TFCP2L1: variants seen among roughly 807,000 people sequenced by gnomAD.
The protein encoded by TFCP2L1 is transcription factor CP2 like 1, also known as transcription factor CP2-like protein 1.
A neutral mutation model predicts 72.2 loss-of-function variants in TFCP2L1; 12 were observed. That is an observed-to-expected ratio of 0.17 (90% CI 0.11 to 0.27). The LOEUF is 0.27. Among genes scored for constraint, TFCP2L1 ranks in the 10% least tolerant of loss-of-function variants. TFCP2L1 has a pLI of 1.00. For synonymous variants in TFCP2L1, 260 were observed against 251.0 expected (o/e 1.04, Z -0.34); for missense variants, 488 against 624.6 (o/e 0.78, Z 2.33).
At chr2:121,275,776 G>A (rs1199523285) in intron 2 of TFCP2L1, among the ~76,000 whole-genome samples, 1 of 152,108 alleles carries the variant, frequency 6.6e-6, no homozygotes, top group Non-Finnish European at 1.5e-5. Flanking sequence ...TCACCCCGTT[G>A]GCCAGGCTGG....
Position 121,219,547 on chromosome 2 carries a change from C to T in TFCP2L1, c.*4794G>A, listed in dbSNP as rs950645041. 2.6e-5 allele frequency: 4 copies of T among 152,262 alleles called. No homozygotes were observed. The highest frequency in any genetic ancestry group is 4.4e-5 in the Non-Finnish European group (3 of 68,058). 9.4% of individuals were successfully genotyped at this position (152,262 alleles called of 1,614,324 possible). On this transcript the variant is annotated 3_prime_UTR_variant, in exon 15 of 15. Coordinates refer to ENST00000263707, the MANE Select transcript of TFCP2L1 (RefSeq NM_014553.3). ...TGACCCATGTCAAGAAGCATGCCGC[C>T]TTGCACTGCAGGAGCACTGGTGGCA... is the stretch of plus-strand genomic sequence containing the variant.
chr2:121,263,469 C>CAA (rs10603088), intron 2 of TFCP2L1, among the ~76,000 whole-genome samples: 211 of 67,288 alleles, frequency 3.1e-3, no homozygotes, highest in African/African-American at 5.7e-3. Flanking sequence ...CTGTTTTTGG[C>CAA]AAAAAAAAAA....
At chr2:121,250,832 C>G (rs1686595717) in intron 2 of TFCP2L1, among the ~76,000 whole-genome samples, 1 of 151,836 alleles carries the variant, frequency 6.6e-6, no homozygotes, top group Non-Finnish European at 1.5e-5. Flanking sequence ...GTCTCAAACT[C>G]CTGACCTCGT....
At chr2:121,260,848 C>G (rs1476692731) in intron 2 of TFCP2L1, among the ~76,000 whole-genome samples, 1 of 152,194 alleles carries the variant, frequency 6.6e-6, no homozygotes, top group Admixed American at 6.5e-5. Flanking sequence ...CACAGTGTTC[C>G]CAAGAGCAGG....
chr2:121,248,391 A>T, intron 4 of TFCP2L1, 121 bp from the exon 5 acceptor site: 1 of 753,362 alleles, frequency 1.3e-6, no homozygotes, highest in Non-Finnish European at 2.1e-6. Flanking sequence ...AAAGCTCTGA[A>T]AAAGTTTTGC....
chr2:121,234,308 G>A (rs976149654), intron 11 of TFCP2L1, 114 bp from the exon 12 acceptor site: 34 of 982,132 alleles, frequency 3.5e-5, no homozygotes, highest in Non-Finnish European at 4.3e-5. Context: ...GAAAGACAGC[G>A]GTGGTGACGT....
rs1243029861 is a variant in TFCP2L1 at position 121,219,760 on chromosome 2, C to T, written c.*4581G>A. 6.6e-6 allele frequency: 1 copy of T among 152,204 alleles called. No individual in the cohort carries two copies. Among genetic ancestry groups the T allele is most frequent in the East Asian group, 1.9e-4 (1 of 5,202 alleles). 9.4% of individuals were successfully genotyped at this position (152,204 alleles called of 1,614,324 possible). A position where few individuals can be genotyped will look rare whatever the true frequency, so the allele number is the denominator to read the frequency against. On this transcript the variant is annotated 3_prime_UTR_variant, in exon 15 of 15. Coordinates refer to ENST00000263707, the MANE Select transcript of TFCP2L1 (RefSeq NM_014553.3). ...TGCTAGGATTAGAGGCATGGGCCAC[C>T]ACGTCCAGCTTTTTGTACGATTTTG...
chr2:121,239,429 G>C, intron 8 of TFCP2L1, 129 bp downstream of exon 8: 1 of 978,132 alleles, frequency 1.0e-6, no homozygotes. Flanking sequence ...AGACAGTTGT[G>C]ACTGCAACAC....
chr2:121,273,009 A>T (rs1289537867), intron 2 of TFCP2L1, among the ~76,000 whole-genome samples: 1 of 152,108 alleles, frequency 6.6e-6, no homozygotes, highest in East Asian at 1.9e-4. Context: ...GATTCCTGGG[A>T]TAGACAGTGT....
Position 121,231,876 on chromosome 2 carries a change from G to C in TFCP2L1, c.1291C>G (p.Arg431Gly), listed in dbSNP as rs2104667418. The C allele has an allele frequency of 2.5e-6, 4 of 1,613,652 alleles. No homozygotes were observed. Among genetic ancestry groups the C allele is most frequent in the Non-Finnish European group, 3.4e-6 (4 of 1,179,764 alleles). The change falls in exon 13 of 15, where the codon CGA becomes GGA. Residue 431 changes from arginine (R) to glycine (G), a missense_variant. Around this residue, in one of 3 missense-constraint regions of TFCP2L1, gnomAD observed 286 missense variants for 329.0 expected, o/e 0.87. Transcript: ENST00000263707. ...CCCGTGGGGCCCTGCCGGTAGACTCGGTGGATGTGCTGGGGGGAGATGCTG... is the reference window on the plus strand; with the variant it reads ...CCCGTGGGGCCCTGCCGGTAGACTCCGTGGATGTGCTGGGGGGAGATGCTG... The part of the protein sequence containing the change: ...LYSISPQHIH[R>G]VYRQGPTGIH...
chr2:121,230,859 T>C (rs1686129812), intron 13 of TFCP2L1, among the ~76,000 whole-genome samples: 1 of 152,154 alleles, frequency 6.6e-6, no homozygotes, highest in African/African-American at 2.4e-5. Context: ...GAGGATCACT[T>C]GAGCCCAAGA....
chr2:121,268,269 C>T (rs907079721), intron 2 of TFCP2L1, among the ~76,000 whole-genome samples: 4 of 152,168 alleles, frequency 2.6e-5, no homozygotes, highest in Admixed American at 6.5e-5. Context: ...AACCTTTGAA[C>T]GTGGTTTACC....
intron 5 of TFCP2L1, among the ~76,000 whole-genome samples, chr2:121,247,647 G>C (rs920970870): frequency 6.6e-6 from 1 of 151,988 alleles, no homozygotes; most frequent in Admixed American, 6.6e-5. Flanking sequence ...TGATTTGTAA[G>C]ATGGGAGGTT....
At chr2:121,236,109 C>T (rs1686243775) in intron 10 of TFCP2L1, among the ~76,000 whole-genome samples, 3 of 152,196 alleles carry the variant, frequency 2.0e-5, no homozygotes, top group Non-Finnish European at 4.4e-5. Flanking sequence ...CCCGTTATTA[C>T]CTATCATTGT....
rs374961920 is a variant in TFCP2L1, at chr2:121,237,600, A to C, written c.1003+23T>G. The C allele has an allele frequency of 8.7e-6, 14 of 1,613,590 alleles. No homozygotes were observed. In the African/African-American group the frequency reaches 1.3e-4, roughly 15 times the overall value. ...TGTCTCCAAGATACTCATGGGCTTT[A>C]AACACAGTTCGGAGATGCTCACCTG... On this transcript the variant is annotated intron_variant, in intron 10 of 14. Transcript: ENST00000263707.
chr2:121,257,381 A>C (rs1686749065), intron 2 of TFCP2L1, among the ~76,000 whole-genome samples: 1 of 152,054 alleles, frequency 6.6e-6, no homozygotes, highest in Non-Finnish European at 1.5e-5. Context: ...ACCACCCTAC[A>C]AGAAGGATGG....
chr2:121,240,035 T>C (rs1686335602), intron 7 of TFCP2L1: 3 of 984,994 alleles, frequency 3.0e-6, no homozygotes, highest in Admixed American at 6.2e-5. Flanking sequence ...ATGTCTGTTA[T>C]AGGGAGTACT....
chr2:121,281,413 CT>C, intron 1 of TFCP2L1, 142 bp from the exon 2 acceptor site: 3 of 863,006 alleles, frequency 3.5e-6, no homozygotes, highest in Non-Finnish European at 5.2e-6. Flanking sequence ...GGCTGCACTC[CT>C]GCAACCCTCG....
intron 11 of TFCP2L1, among the ~76,000 whole-genome samples, chr2:121,234,782 C>A (rs552664415): frequency 2.6e-5 from 4 of 152,384 alleles, no homozygotes; most frequent in Non-Finnish European, 4.4e-5. Context: ...TCTGCCATGG[C>A]AGGAAGGTGT....
Sources: gnomAD v4.1 joint callset for allele counts (sites outside exome capture counted in the v4.1 genomes callset) on GRCh38, gnomAD v4.1.1 for gene constraint, gnomAD v4.1.1 regional missense constraint, MANE v1.5 for transcripts, NCBI Gene and HGNC (gene_info 2026-07-23, HGNC 2026-07-21) for gene names.